The following FAM53B variants were observed in gnomAD, a reference collection of about 807,000 sequenced individuals.
FAM53B encodes the protein family with sequence similarity 53 member B, also known as protein FAM53B.
A neutral mutation model predicts 32.7 loss-of-function variants in FAM53B; 12 were observed. The ratio of observed to expected loss-of-function variants is 0.37; its 90% CI spans 0.24 to 0.59. FAM53B has a LOEUF of 0.59. Ranked by LOEUF, FAM53B falls within the 20% of genes least tolerant of loss-of-function variation. The pLI, the probability that FAM53B is intolerant of heterozygous loss-of-function variation, is 0.72. For synonymous variants in FAM53B, 234 were observed against 228.7 expected, an observed-to-expected ratio of 1.02 and a Z score of -0.21; for missense variants, 477 against 577.7, an observed-to-expected ratio of 0.83 and a Z score of 1.79.
chr10:124,731,780 C>G (rs993835119), intron 1 of FAM53B, among the ~76,000 whole-genome samples: 1 of 152,074 alleles, frequency 6.6e-6, no homozygotes, highest in South Asian at 2.1e-4. Flanking sequence ...TGTGGCCCTT[C>G]CCCGCATCAC....
chr10:124,684,963 A>G (rs1295822287), intron 3 of FAM53B, among the ~76,000 whole-genome samples: 1 of 152,284 alleles, frequency 6.6e-6, no homozygotes, highest in East Asian at 1.9e-4. Context: ...GATGAGTGAC[A>G]GCAAAATGGT....
intron 1 of FAM53B, among the ~76,000 whole-genome samples, chr10:124,712,050 C>G (rs1298603012): frequency 2.0e-5 from 3 of 151,984 alleles, no homozygotes; most frequent in African/African-American, 7.3e-5. Context: ...TAGAGGGAGA[C>G]CTTATATCAA....
chr10:124,740,077 G>A (rs78926227), intron 1 of FAM53B, among the ~76,000 whole-genome samples: 204 of 152,198 alleles, frequency 1.3e-3, no homozygotes, highest in African/African-American at 4.6e-3. Context: ...CAGCCTCCTC[G>A]CATCACTCCA....
chr10:124,640,293 A>G (rs1445960100), intron 4 of FAM53B, among the ~76,000 whole-genome samples: 1 of 152,206 alleles, frequency 6.6e-6, no homozygotes, highest in Non-Finnish European at 1.5e-5. Flanking sequence ...CAGCACCCTC[A>G]GCCTGCACAG....
chr10:124,688,874 A>AT (rs1949817113), intron 3 of FAM53B, among the ~76,000 whole-genome samples: 1 of 152,174 alleles, frequency 6.6e-6, no homozygotes, highest in Admixed American at 6.5e-5. Flanking sequence ...AAACCTTCAT[A>AT]TTTTCAAAAG....
intron 4 of FAM53B, among the ~76,000 whole-genome samples, chr10:124,641,997 G>T (rs989154812): frequency 6.6e-6 from 1 of 152,220 alleles, no homozygotes; most frequent in Non-Finnish European, 1.5e-5. Flanking sequence ...CTGGAGAGCC[G>T]GAAGCCTAAA....
chr10:124,719,119 G>C (rs529818062), intron 1 of FAM53B, among the ~76,000 whole-genome samples: 9 of 152,160 alleles, frequency 5.9e-5, no homozygotes, highest in African/African-American at 1.9e-4. Flanking sequence ...TCAAAGCTAA[G>C]TCCAGGCATT....
At chr10:124,637,823 T>C (rs1045206050) in intron 4 of FAM53B, among the ~76,000 whole-genome samples, 1 of 152,080 alleles carries the variant, frequency 6.6e-6, no homozygotes, top group African/African-American at 2.4e-5. Flanking sequence ...CCCGAAAGAC[T>C]CTTCCTGCCA....
chr10:124,662,511 C>A (rs113223079), intron 4 of FAM53B, among the ~76,000 whole-genome samples: 6,849 of 108,850 alleles, frequency 0.063, 227 homozygotes, highest in East Asian at 0.17. Flanking sequence ...TCCATCCATC[C>A]ATGTATTCAA....
At chr10:124,637,278 G>A (rs563149109) in intron 4 of FAM53B, among the ~76,000 whole-genome samples, 39 of 152,304 alleles carry the variant, frequency 2.6e-4, no homozygotes, top group African/African-American at 9.1e-4. Context: ...CATGCCATGA[G>A]GCAGCGCAGG....
chr10:124,730,115 A>G (rs1950131410), intron 1 of FAM53B, among the ~76,000 whole-genome samples: 1 of 152,216 alleles, frequency 6.6e-6, no homozygotes, highest in Non-Finnish European at 1.5e-5. Flanking sequence ...ATCATTTTGA[A>G]TGAATGAAGT....
intron 1 of FAM53B, among the ~76,000 whole-genome samples, chr10:124,735,574 T>C (rs764213824): frequency 2.8e-4 from 43 of 152,228 alleles, no homozygotes; most frequent in Admixed American, 1.6e-3. Flanking sequence ...CCAACTCCAG[T>C]TGAAGTCCCC....
intron 1 of FAM53B, among the ~76,000 whole-genome samples, chr10:124,737,366 A>G (rs1407796710): frequency 6.6e-6 from 1 of 152,188 alleles, no homozygotes; most frequent in Non-Finnish European, 1.5e-5. Flanking sequence ...ACAAGGTTTC[A>G]GCACCTTCCA....
chr10:124,691,043 T>C (rs549352555), intron 3 of FAM53B, among the ~76,000 whole-genome samples: 24 of 152,380 alleles, frequency 1.6e-4, no homozygotes, highest in African/African-American at 5.8e-4. Context: ...TCAAAAGCAC[T>C]CAAGCTCTGA....
intron 3 of FAM53B, among the ~76,000 whole-genome samples, chr10:124,689,299 T>G (rs925794248): frequency 6.6e-6 from 1 of 152,176 alleles, no homozygotes; most frequent in Non-Finnish European, 1.5e-5. Context: ...GGCAATGACA[T>G]GAGCTCCCCC....
At chr10:124,705,720 T>C (rs1949952547) in intron 2 of FAM53B, 1 of 152,294 alleles carries the variant, frequency 6.6e-6, no homozygotes, top group African/African-American at 2.4e-5. Context: ...AGAATACAGA[T>C]CTCGGTGGCT....
intron 4 of FAM53B, among the ~76,000 whole-genome samples, chr10:124,661,613 G>A (rs1256827478): frequency 1.3e-5 from 2 of 152,200 alleles, no homozygotes; most frequent in Non-Finnish European, 2.9e-5. Flanking sequence ...AGGGCAGTGG[G>A]GAGGAGGGAA....
At chr10:124,673,188 T>C (rs910476709) in intron 4 of FAM53B, among the ~76,000 whole-genome samples, 1 of 152,182 alleles carries the variant, frequency 6.6e-6, no homozygotes, top group African/African-American at 2.4e-5. Flanking sequence ...AATAGCCTCC[T>C]GCCTGGCCTC....
chr10:124,683,825 G>A (rs910474589), intron 3 of FAM53B, among the ~76,000 whole-genome samples: 7 of 152,204 alleles, frequency 4.6e-5, no homozygotes, highest in Non-Finnish European at 2.9e-5. Context: ...ATGAGTGCTC[G>A]AGGCAGCAAG....
Sources: allele counts gnomAD v4.1 joint callset (sites outside exome capture counted in the v4.1 genomes callset), GRCh38; gene constraint gnomAD v4.1.1; transcripts MANE v1.5; gene names NCBI Gene and HGNC (gene_info 2026-07-23, HGNC 2026-07-21).